Variants in TOP6BL observed in about 807,000 individuals in gnomAD.
TOP6BL encodes the protein type 2 DNA topoisomerase 6 subunit B-like.
At chr11:66,801,996 A>G in the TOP6BL span, among the ~76,000 whole-genome samples, 1 of 152,130 alleles carries the variant, frequency 6.6e-6, no homozygotes, top group Non-Finnish European at 1.5e-5. Flanking sequence ...GCTTAAGTCC[A>G]ATTAATTTAT....
the TOP6BL span, chr11:66,803,991 A>G: frequency 1.9e-6 from 3 of 1,593,494 alleles, no homozygotes; most frequent in Non-Finnish European, 1.7e-6. Context: ...CTGTTTTCTG[A>G]CAGTAGACCA....
chr11:66,750,284 A>G, the TOP6BL span, among the ~76,000 whole-genome samples: 3 of 152,116 alleles, frequency 2.0e-5, no homozygotes, highest in East Asian at 5.8e-4. Context: ...GTAGTGGCTC[A>G]TGCCTGTAAC....
chr11:66,747,864 C>T, the TOP6BL span, among the ~76,000 whole-genome samples: 6,829 of 152,194 alleles, frequency 0.045, 173 homozygotes, highest in Middle Eastern at 0.099. Flanking sequence ...AAGTGATCCT[C>T]TCACCTCGGC....
chr11:66,843,210 G>C, the TOP6BL span: 2 of 1,610,662 alleles, frequency 1.2e-6, no homozygotes, highest in South Asian at 2.2e-5. Flanking sequence ...TGTCAGAGTG[G>C]CTGAGTCCCA....
the TOP6BL span, among the ~76,000 whole-genome samples, chr11:66,820,811 C>A: frequency 6.6e-6 from 1 of 152,088 alleles, no homozygotes; most frequent in Non-Finnish European, 1.5e-5. Context: ...AAACAGGATC[C>A]CTTATTTGTT....
the TOP6BL span, among the ~76,000 whole-genome samples, chr11:66,782,209 T>C: frequency 6.6e-6 from 1 of 152,196 alleles, no homozygotes; most frequent in African/African-American, 2.4e-5. Context: ...TACTAAAGCA[T>C]TATCTGTGGG....
At chr11:66,756,130 T>C in the TOP6BL span, among the ~76,000 whole-genome samples, 6 of 152,242 alleles carry the variant, frequency 3.9e-5, no homozygotes, top group Admixed American at 1.3e-4. Flanking sequence ...TTAACAAATA[T>C]GATTTTCATG....
At chr11:66,745,612 C>T in the TOP6BL span, among the ~76,000 whole-genome samples, 3 of 152,214 alleles carry the variant, frequency 2.0e-5, no homozygotes, top group Non-Finnish European at 2.9e-5. Flanking sequence ...GACAGAAGCA[C>T]AGGCTCTGAG....
chr11:66,756,457 C>A, the TOP6BL span: 2 of 1,068,186 alleles, frequency 1.9e-6, no homozygotes, highest in African/African-American at 1.7e-5. Context: ...CTCAGTCCCC[C>A]GAGTAGCTGG....
At chr11:66,765,796 G>T in the TOP6BL span, among the ~76,000 whole-genome samples, 1 of 152,188 alleles carries the variant, frequency 6.6e-6, no homozygotes, top group Admixed American at 6.5e-5. Context: ...GATTACAGGC[G>T]TAAGCCACTG....
At chr11:66,759,691 C>T in the TOP6BL span, among the ~76,000 whole-genome samples, 1 of 152,182 alleles carries the variant, frequency 6.6e-6, no homozygotes, top group Non-Finnish European at 1.5e-5. Flanking sequence ...TCAAGCAATT[C>T]TCCTGCCTCA....
chr11:66,801,059 G>A, the TOP6BL span: 1 of 1,613,922 alleles, frequency 6.2e-7, no homozygotes, highest in Non-Finnish European at 8.5e-7. Context: ...TTTGAACCTT[G>A]GGAATGGAAT....
the TOP6BL span, among the ~76,000 whole-genome samples, chr11:66,780,151 C>A: frequency 0.011 from 1,651 of 150,504 alleles, 37 homozygotes; most frequent in African/African-American, 0.037. Context: ...CTAAAACTTT[C>A]ATAAAAAAAA....
chr11:66,816,569 T>A, the TOP6BL span, among the ~76,000 whole-genome samples: 1 of 152,182 alleles, frequency 6.6e-6, no homozygotes, highest in African/African-American at 2.4e-5. Flanking sequence ...AGTATGTTTT[T>A]AAATTTTTTT....
the TOP6BL span, among the ~76,000 whole-genome samples, chr11:66,796,860 G>GT: frequency 0.025 from 3,504 of 138,206 alleles, 132 homozygotes; most frequent in East Asian, 0.14. Context: ...TAAGACAGTT[G>GT]TTTTTTTTTT....
chr11:66,788,357 A>G, the TOP6BL span: 1 of 1,012,052 alleles, frequency 9.9e-7, no homozygotes, highest in Non-Finnish European at 1.5e-6. Context: ...GCCTAGGTCC[A>G]TCAAAGTTCC....
the TOP6BL span, among the ~76,000 whole-genome samples, chr11:66,823,361 CA>C: frequency 6.7e-6 from 1 of 149,368 alleles, no homozygotes; most frequent in Non-Finnish European, 1.5e-5. Flanking sequence ...GTAAAATGTA[CA>C]GTATTTTTAG....
chr11:66,766,908 C>T, the TOP6BL span, among the ~76,000 whole-genome samples: 1 of 152,138 alleles, frequency 6.6e-6, no homozygotes, highest in South Asian at 2.1e-4. Context: ...TGTCTGCATT[C>T]CTTTCAGTGA....
At chr11:66,819,176 A>G in the TOP6BL span, among the ~76,000 whole-genome samples, 3 of 152,124 alleles carry the variant, frequency 2.0e-5, no homozygotes, top group African/African-American at 7.2e-5. Flanking sequence ...GTCTGTTTCC[A>G]TGTGTCTTTA....
Sources: allele counts gnomAD v4.1 joint callset (sites outside exome capture counted in the v4.1 genomes callset), GRCh38; gene constraint gnomAD v4.1.1; transcripts MANE v1.5; gene names NCBI Gene and HGNC (gene_info 2026-07-23, HGNC 2026-07-21).